Variants in MYOCD observed in about 807,000 individuals in gnomAD.
MYOCD encodes myocardin.
MYOCD carries 32 observed loss-of-function variants against 96.1 expected under a neutral mutation model. The ratio of observed to expected loss-of-function variants is 0.33; its 90% CI spans 0.25 to 0.45. MYOCD has a LOEUF of 0.45. MYOCD is among the 20% of genes least tolerant of loss of function. The pLI is 1.00. For synonymous variants in MYOCD, 469 were observed against 469.0 expected (o/e 1.00, Z 0.00); for missense variants, 1,133 against 1,200.6 (o/e 0.94, Z 0.83).
chr17:12,715,801 C>G lies in MYOCD; in HGVS notation c.177+227C>G, dbSNP rs367766302. Among the ~76,000 whole-genome samples the G allele has an allele frequency of 1.1e-4, 17 of 152,182 alleles. No homozygotes were observed. The East Asian group carries it at 1.9e-3, about 17-fold the overall frequency. On this transcript the variant is annotated intron_variant, in intron 3 of 13. Transcript: ENST00000425538. ...ATTTTTCAGCTTTTTTAAAAAATGT[C>G]CCCAATTTTTCTAATGTTGGAAGAA...
Position 12,760,716 on chromosome 17 carries a change from G to A in MYOCD, c.2389+9G>A. On this transcript the variant is annotated intron_variant, in intron 13 of 13. Transcript: ENST00000425538. ...GCTTATTGAAAGCGGAGGTAAGACTGCCTGTGTCCTGTCCATTAGGACATT... is the reference window on the plus strand; with the variant it reads ...GCTTATTGAAAGCGGAGGTAAGACTACCTGTGTCCTGTCCATTAGGACATT... 1 of 1,611,866 alleles carries A rather than the reference G, an allele frequency of 6.2e-7. No individual in the cohort carries two copies. The highest frequency in any genetic ancestry group is 8.5e-7 in the Non-Finnish European group (1 of 1,178,164).
intron 1 of MYOCD, among the ~76,000 whole-genome samples, chr17:12,697,359 A>ATTTTTT (rs71144918): frequency 1.3e-5 from 1 of 75,738 alleles, no homozygotes; most frequent in African/African-American, 6.0e-5. Context: ...ATATATATAT[A>ATTTTTT]TTTTTTTTTT....
At chr17:12,703,117 A>G (rs9284346) in intron 1 of MYOCD, among the ~76,000 whole-genome samples, 71,480 of 151,610 alleles carry the variant, frequency 0.47, 18,700 homozygotes, top group African/African-American at 0.72. Context: ...GTCATTTTCT[A>G]TTCTGAGTTG....
chr17:12,691,848 A>G (rs1195172399), intron 1 of MYOCD, among the ~76,000 whole-genome samples: 1 of 152,174 alleles, frequency 6.6e-6, no homozygotes, highest in East Asian at 1.9e-4. Context: ...GAGCTTTTAT[A>G]TCTTAGGAGC....
At position 12,765,762 on chromosome 17, in the gene MYOCD, C is replaced by T. The variant is rs937548222; in HGVS notation, c.*2118C>T. On this transcript the variant is annotated 3_prime_UTR_variant, in exon 14 of 14. Coordinates refer to ENST00000425538, the MANE Select transcript of MYOCD (RefSeq NM_001146312.3). ...GCTCCAACCCGATGACTCACAGCTA[C>T]TTGCTTATCGTGAACAAGCTCATCT... 1.3e-5 allele frequency: 2 copies of T among 152,164 alleles called. No homozygotes were observed. The highest frequency in any genetic ancestry group is 2.9e-5 in the Non-Finnish European group (2 of 68,044). The allele number at this position is 152,164 out of a possible 1,614,324, so 9.4% of individuals were successfully genotyped here.
At chr17:12,695,594 T>C (rs1284412730) in intron 1 of MYOCD, among the ~76,000 whole-genome samples, 1 of 152,246 alleles carries the variant, frequency 6.6e-6, no homozygotes, top group African/African-American at 2.4e-5. Flanking sequence ...CTCAATCTTC[T>C]AGTTCACAAG....
chr17:12,756,672 G>A, intron 11 of MYOCD, 115 bp downstream of exon 11: 1 of 598,276 alleles, frequency 1.7e-6, no homozygotes, highest in South Asian at 2.6e-5. Flanking sequence ...CTCCAGCCCA[G>A]GTGACAGAGC....
At chr17:12,677,052 T>C (rs1279494608) in intron 1 of MYOCD, among the ~76,000 whole-genome samples, 1 of 152,190 alleles carries the variant, frequency 6.6e-6, no homozygotes, top group African/African-American at 2.4e-5. Flanking sequence ...AATTATACTT[T>C]AATTCACACT....
At chr17:12,745,026 A>G (rs1424510031) in intron 8 of MYOCD, among the ~76,000 whole-genome samples, 1 of 152,190 alleles carries the variant, frequency 6.6e-6, no homozygotes, top group African/African-American at 2.4e-5. Context: ...AGCACTTTCA[A>G]GTTGGACTAT....
At chr17:12,678,532 A>G (rs71364182) in intron 1 of MYOCD, among the ~76,000 whole-genome samples, 2 of 151,844 alleles carry the variant, frequency 1.3e-5, no homozygotes, top group African/African-American at 4.9e-5. Context: ...TAAATATAAA[A>G]CCAAAGAGAG....
At chr17:12,715,666 AACAAAC>A (rs770520686) in intron 3 of MYOCD, 92 bp downstream of exon 3, 1 of 976,080 alleles carries the variant, frequency 1.0e-6, no homozygotes, top group Non-Finnish European at 1.6e-6. Flanking sequence ...GAATTCCTAC[AACAAAC>A]ACAATCAATT....
chr17:12,749,880 C>T lies in MYOCD; in HGVS notation c.1126-2534C>T, dbSNP rs372488076. On this transcript the variant is annotated intron_variant, in intron 9 of 13. Coordinates refer to ENST00000425538, the MANE Select transcript of MYOCD (RefSeq NM_001146312.3). ...TTTGTTTGTTTTTGAGACGGAGGCT[C>T]GCTCTGTCGCCCAGGCTGGAGTGCA... 1.5e-4 allele frequency among the ~76,000 whole-genome samples: 23 copies of T among 151,966 alleles called. No individual in the cohort carries two copies. The East Asian group carries it at 4.3e-3, about 28-fold the overall frequency.
At chr17:12,719,594 T>A (rs866085361) in intron 4 of MYOCD, among the ~76,000 whole-genome samples, 4 of 151,464 alleles carry the variant, frequency 2.6e-5, no homozygotes, top group Admixed American at 6.6e-5. Flanking sequence ...GGCTCACGCC[T>A]GTAATCCTAG....
intron 5 of MYOCD, among the ~76,000 whole-genome samples, chr17:12,724,499 T>G (rs1385717720): frequency 6.6e-6 from 1 of 152,270 alleles, no homozygotes; most frequent in African/African-American, 2.4e-5. Context: ...TTTTACCAGT[T>G]TGTCCTTCAC....
At chr17:12,715,672 C>T (rs1205535185) in intron 3 of MYOCD, 98 bp downstream of exon 3, 11 of 936,736 alleles carry the variant, frequency 1.2e-5, no homozygotes, top group African/African-American at 3.3e-5. Flanking sequence ...CTACAACAAA[C>T]ACAATCAATT....
intron 1 of MYOCD, among the ~76,000 whole-genome samples, chr17:12,696,153 T>A (rs971521206): frequency 5.5e-5 from 7 of 126,648 alleles, no homozygotes; most frequent in African/African-American, 2.0e-4. Flanking sequence ...ACCTCCTATT[T>A]TTTTTTAGTA....
intron 6 of MYOCD, 85 bp from the exon 7 acceptor site, chr17:12,739,118 A>G (rs1038402077): frequency 6.3e-6 from 9 of 1,436,610 alleles, no homozygotes. Context: ...TGAAAGCAGC[A>G]GAGGTATATA....
chr17:12,698,988 C>T (rs143929096), intron 1 of MYOCD, among the ~76,000 whole-genome samples: 4,293 of 151,608 alleles, frequency 0.028, 90 homozygotes, highest in Non-Finnish European at 0.046. Context: ...ATGATCTGCC[C>T]GCCTCGGCCT....
At position 12,693,926 on chromosome 17, in the gene MYOCD, G is replaced by C. The variant is rs76436701; in HGVS notation, c.56-11202G>C. On this transcript the variant is annotated intron_variant, in intron 1 of 13. Coordinates refer to ENST00000425538, the MANE Select transcript of MYOCD (RefSeq NM_001146312.3). ...AGCCTAGAAAGACTGACACCCAAAT[G>C]TCAGAATCATGAGAGAGATTTCTGC... is the stretch of plus-strand genomic sequence containing the variant. 7.0e-4 allele frequency among the ~76,000 whole-genome samples: 107 copies of C among 152,220 alleles called. No individual in the cohort carries two copies. In the East Asian group the frequency reaches 0.016, roughly 23 times the overall value.
Sources: allele counts gnomAD v4.1 joint callset (sites outside exome capture counted in the v4.1 genomes callset), GRCh38; gene constraint gnomAD v4.1.1; transcripts MANE v1.5; gene names NCBI Gene and HGNC (gene_info 2026-07-23, HGNC 2026-07-21).